ITPR2: variants seen among roughly 807,000 people sequenced by gnomAD.
ITPR2 encodes the protein inositol 1,4,5-trisphosphate receptor type 2.
Under a neutral mutation model 317.1 loss-of-function variants are expected in ITPR2, and 207 were observed. The ratio of observed to expected loss-of-function variants is 0.65; its 90% CI spans 0.58 to 0.73. The LOEUF (loss-of-function observed/expected upper bound fraction) is 0.73. Among genes scored for constraint, ITPR2 ranks in the 30% least tolerant of loss-of-function variants. The probability of loss-of-function intolerance (pLI) is 0.00; values close to 1 mark genes in which losing one functional copy is unlikely to be tolerated. For synonymous variants in ITPR2, 1,156 were observed against 1,149.1 expected (o/e 1.01, Z -0.12); for missense variants, 2,613 against 3,284.0 (o/e 0.80, Z 4.99).
chr12:26,426,943 G>A (rs1396250839), intron 49 of ITPR2, among the ~76,000 whole-genome samples: 3 of 151,202 alleles, frequency 2.0e-5, no homozygotes, highest in African/African-American at 7.3e-5. Context: ...TATTTTATGT[G>A]CAAGCCCCTG....
At chr12:26,704,105 A>G (rs927215802) in intron 9 of ITPR2, among the ~76,000 whole-genome samples, 1 of 152,220 alleles carries the variant, frequency 6.6e-6, no homozygotes, top group Non-Finnish European at 1.5e-5. Flanking sequence ...ACTGCGCTAT[A>G]TTATTTAAAA....
At chr12:26,516,350 A>AGGAAG (rs1943517383) in intron 37 of ITPR2, among the ~76,000 whole-genome samples, 1 of 143,886 alleles carries the variant, frequency 6.9e-6, no homozygotes, top group Non-Finnish European at 1.6e-5. Flanking sequence ...AGGAAAGGAA[A>AGGAAG]GGAAAGGAAA....
intron 21 of ITPR2, among the ~76,000 whole-genome samples, chr12:26,643,282 C>T (rs1173970472): frequency 1.3e-5 from 2 of 152,184 alleles, no homozygotes; most frequent in African/African-American, 4.8e-5. Flanking sequence ...GTTGTTATAG[C>T]AGTCCAAATA....
At position 26,715,400 on chromosome 12, in the gene ITPR2, T is replaced by A. The variant is rs760905916; in HGVS notation, c.754A>T (p.Thr252Ser). ...TGTTTTTTCTCATATTCATCACAAG[T>A]CAAAAACTTCTCTTGTTCCGCATGA... ...LFHAEQEKFLTCDEYEKKQHI... is the reference protein window; with the variant it reads ...LFHAEQEKFLSCDEYEKKQHI... Residue 252 changes from threonine to serine, a missense_variant, in exon 8 of 57, where the codon ACT (threonine) becomes TCT (serine). Thr to Ser is a moderately conservative substitution (Grantham distance 58). Transcript: ENST00000381340. 4.3e-6 allele frequency: 7 copies of A among 1,613,482 alleles called. No individual in the cohort carries two copies. The South Asian group carries it at 7.7e-5, about 18-fold the overall frequency.
chr12:26,585,653 C>T (rs1334452648), intron 32 of ITPR2, among the ~76,000 whole-genome samples: 1 of 152,182 alleles, frequency 6.6e-6, no homozygotes, highest in Non-Finnish European at 1.5e-5. Context: ...AATCCGGCTG[C>T]CTCAGCCTCC....
chr12:26,388,788 A>C lies in ITPR2; in HGVS notation c.7697-1194T>G, dbSNP rs1939744652. Among the ~76,000 whole-genome samples, 3 of 152,352 alleles carry C rather than the reference A, an allele frequency of 2.0e-5. No homozygotes were observed. The South Asian group carries it at 6.2e-4, about 32-fold the overall frequency. ...ATTGGATATCTGTATGGAAAATACT[A>C]TAAGATTCTGCTGGCTGATGGCTAG... On this transcript the variant is annotated intron_variant, in intron 54 of 56. Transcript: ENST00000381340.
At chr12:26,779,085 T>A (rs1950030988) in intron 2 of ITPR2, among the ~76,000 whole-genome samples, 1 of 152,188 alleles carries the variant, frequency 6.6e-6, no homozygotes, top group South Asian at 2.1e-4. Flanking sequence ...TCCAGCCTGC[T>A]GTGCAAGCTG....
In ITPR2 at chr12:26,597,032, T is replaced by C; in HGVS notation, c.4105A>G (p.Ser1369Gly). Residue 1369 changes from serine (S) to glycine (G), a missense_variant, in exon 31 of 57, where the codon AGT (serine) becomes GGT (glycine). By Grantham distance (56) the Ser-to-Gly change is moderately conservative (BLOSUM62 0). Coordinates refer to ENST00000381340, the MANE Select transcript of ITPR2 (RefSeq NM_002223.4). ...GTGATGTGGTAGGCTAAGGGGCCAC[T>C]CTCATCCCCTCGGTCTCTCTCTGAA... ...MCSERDRGDE[S>G]GPLAYHITLV... is the part of the protein sequence containing the mutation. 1 of 1,614,086 alleles carries C rather than the reference T, an allele frequency of 6.2e-7. No homozygotes were observed. The highest frequency in any genetic ancestry group is 8.5e-7 in the Non-Finnish European group (1 of 1,179,994).
intron 32 of ITPR2, among the ~76,000 whole-genome samples, chr12:26,592,005 C>T (rs543212081): frequency 8.5e-5 from 13 of 152,098 alleles, no homozygotes; most frequent in Non-Finnish European, 1.6e-4. Context: ...CTTAAGTGCC[C>T]ATCAACAGAT....
chr12:26,484,133 A>T lies in ITPR2; in HGVS notation c.5812-235T>A, dbSNP rs1201181713. 2.1e-5 allele frequency among the ~76,000 whole-genome samples: 3 copies of T among 140,248 alleles called. No individual in the cohort carries two copies. In the Admixed American group the frequency reaches 2.2e-4, roughly 10 times the overall value. 92.0% of individuals were successfully genotyped at this position (140,248 alleles called of 152,430 possible). A position where few individuals can be genotyped will look rare whatever the true frequency, so the allele number is the denominator to read the frequency against. ...TATACATGTACATATATATGTGTGTATATGTGTGTATATATGTATATATGT... is the reference window on the plus strand; with the variant it reads ...TATACATGTACATATATATGTGTGTTTATGTGTGTATATATGTATATATGT... On this transcript the variant is annotated intron_variant, in intron 41 of 56. Coordinates refer to ENST00000381340, the MANE Select transcript of ITPR2 (RefSeq NM_002223.4).
At chr12:26,427,841 T>C (rs1941106525) in intron 49 of ITPR2, 72 bp downstream of exon 49, 1 of 999,088 alleles carries the variant, frequency 1.0e-6, no homozygotes, top group Non-Finnish European at 1.3e-6. Flanking sequence ...TAAAAGCTTA[T>C]AGTTATATTT....
intron 10 of ITPR2, among the ~76,000 whole-genome samples, chr12:26,688,181 G>A (rs1354200955): frequency 1.3e-5 from 2 of 152,006 alleles, no homozygotes; most frequent in African/African-American, 2.4e-5. Flanking sequence ...GACTACAGAC[G>A]TGTGCCACCA....
At chr12:26,521,025 G>T (rs1943647824) in intron 37 of ITPR2, among the ~76,000 whole-genome samples, 1 of 152,156 alleles carries the variant, frequency 6.6e-6, no homozygotes, top group South Asian at 2.1e-4. Context: ...ATGAGTCACT[G>T]TGAAAGAAAG....
chr12:26,554,759 G>T (rs938079047), intron 36 of ITPR2, among the ~76,000 whole-genome samples: 4 of 151,750 alleles, frequency 2.6e-5, no homozygotes, highest in Non-Finnish European at 4.4e-5. Flanking sequence ...ATTTATCAAA[G>T]ATCCTATTAT....
chr12:26,696,669 T>G (rs1216638023), intron 9 of ITPR2, among the ~76,000 whole-genome samples: 2 of 152,190 alleles, frequency 1.3e-5, no homozygotes, highest in African/African-American at 2.4e-5. Flanking sequence ...AAGTAGATAG[T>G]TCTTGGGGAC....
At chr12:26,618,656 A>G (rs541342292) in intron 26 of ITPR2, among the ~76,000 whole-genome samples, 2 of 152,286 alleles carry the variant, frequency 1.3e-5, no homozygotes, top group Admixed American at 1.3e-4. Flanking sequence ...AGATATCCCA[A>G]AAAATCTCCC....
intron 40 of ITPR2, chr12:26,486,781 T>C (rs780324055): frequency 1.0e-5 from 6 of 600,358 alleles, no homozygotes; most frequent in African/African-American, 1.8e-5. Context: ...TTCATTTTCA[T>C]GGTCACTTAA....
intron 21 of ITPR2, among the ~76,000 whole-genome samples, chr12:26,642,067 A>C (rs1457220924): frequency 6.6e-6 from 1 of 152,012 alleles, no homozygotes; most frequent in Non-Finnish European, 1.5e-5. Flanking sequence ...GCACAGAAAA[A>C]TCTTTCTCAG....
chr12:26,715,205 C>A, intron 8 of ITPR2, 94 bp downstream of exon 8: 1 of 1,115,260 alleles, frequency 9.0e-7, no homozygotes, highest in Non-Finnish European at 1.3e-6. Flanking sequence ...ATGATTCTAT[C>A]ATAAATGATG....
Sources: allele counts gnomAD v4.1 joint callset (sites outside exome capture counted in the v4.1 genomes callset), GRCh38; gene constraint gnomAD v4.1.1; transcripts MANE v1.5; gene names NCBI Gene and HGNC (gene_info 2026-07-23, HGNC 2026-07-21).